DOCK10: variants seen among roughly 807,000 people sequenced by gnomAD.
DOCK10 encodes the protein dedicator of cytokinesis protein 10.
DOCK10 carries 145 observed loss-of-function variants against 280.1 expected under a neutral mutation model. The observed-to-expected ratio is 0.52, with a 90% confidence interval of 0.45 to 0.59. The LOEUF (loss-of-function observed/expected upper bound fraction) is 0.59. DOCK10 is among the 20% of genes least tolerant of loss of function. The pLI is 0.00. For missense variants in DOCK10, 2,368 were observed against 2,651.7 expected (o/e 0.89, Z 2.35); for synonymous variants, 915 against 942.2 (o/e 0.97, Z 0.53).
chr2:224,913,621 T>C (rs77261978), intron 3 of DOCK10, among the ~76,000 whole-genome samples: 35,144 of 152,156 alleles, frequency 0.23, 4,550 homozygotes, highest in Non-Finnish European at 0.28. Flanking sequence ...AATTTTAATT[T>C]TTTATTTGGT....
chr2:224,767,552 T>A (rs1690142263), intron 55 of DOCK10, among the ~76,000 whole-genome samples: 1 of 152,184 alleles, frequency 6.6e-6, no homozygotes, highest in Non-Finnish European at 1.5e-5. Context: ...TTTAAAGATT[T>A]ATAGGAGCAT....
chr2:224,930,821 GC>G (rs1426117605), intron 2 of DOCK10, among the ~76,000 whole-genome samples: 5 of 152,172 alleles, frequency 3.3e-5, no homozygotes, highest in South Asian at 4.1e-4. Flanking sequence ...TTTAATAGCT[GC>G]CCATTGAGAT....
rs116234792 is a variant in DOCK10, at chr2:225,026,116, G to A, written c.123+16136C>T. Among the ~76,000 whole-genome samples the A allele has an allele frequency of 3.9e-3, 587 of 152,210 alleles. 4 individuals are homozygous for A. The highest frequency in any genetic ancestry group is 0.012 in the African/African-American group (491 of 41,522). On this transcript the variant is annotated intron_variant, in intron 1 of 55. Transcript: ENST00000258390. ...AAAGGAAGTGTCCTCTGGGTAGCTGGTGGCACGGGCCTGAGTGGCATCCTT... is the reference window on the plus strand; with the variant it reads ...AAAGGAAGTGTCCTCTGGGTAGCTGATGGCACGGGCCTGAGTGGCATCCTT...
At chr2:224,852,012 G>GTGT (rs60200587) in intron 18 of DOCK10, among the ~76,000 whole-genome samples, 10 of 151,958 alleles carry the variant, frequency 6.6e-5, no homozygotes, top group Non-Finnish European at 1.5e-4. Context: ...GTATGCGGCA[G>GTGT]TTCTGCGTAG....
Position 224,839,964 on chromosome 2 carries a change from T to C in DOCK10, c.2770A>G (p.Thr924Ala), listed in dbSNP as rs1695849705. Residue 924 changes from threonine (T) to alanine (A), a missense_variant, in exon 24 of 56, where the codon ACT (threonine) becomes GCT (alanine). Thr to Ala is a moderately conservative substitution (Grantham distance 58, BLOSUM62 0). Coordinates refer to ENST00000258390, the MANE Select transcript of DOCK10 (RefSeq NM_014689.3). ...TTGTGTTATGGATACCTGGTGACAG[T>C]TGTAGTTATTTCATCTTCCTCATTC... ...VQNEEDEITT[T>A]VTRVLTDIVA... is the part of the protein sequence containing the mutation. 1 of 1,501,746 alleles carries C rather than the reference T, an allele frequency of 6.7e-7. No individual in the cohort carries two copies. The highest frequency in any genetic ancestry group is 9.1e-7 in the Non-Finnish European group (1 of 1,100,988). 93.0% of individuals were successfully genotyped at this position (1,501,746 alleles called of 1,614,324 possible). A position where few individuals can be genotyped will look rare whatever the true frequency, so the allele number is the denominator to read the frequency against.
chr2:225,021,074 A>G (rs1249542170), intron 1 of DOCK10, among the ~76,000 whole-genome samples: 1 of 152,204 alleles, frequency 6.6e-6, no homozygotes, highest in Non-Finnish European at 1.5e-5. Context: ...AACCAATGTG[A>G]GAGGGACCAT....
At position 225,042,381 on chromosome 2, in the gene DOCK10, T is replaced by C. The variant is rs2106156304; in HGVS notation, c.-7A>G. ...GGGTCCGCTCACCGGCCATCGCCGG[T>C]CACGCCAATCGCGCCGCGGGCCCGG... On this transcript the variant is annotated 5_prime_UTR_variant, in exon 1 of 56. Coordinates refer to ENST00000258390, the MANE Select transcript of DOCK10 (RefSeq NM_014689.3). This position sits in a 1 kb window ranked among gnomAD's most constrained non-coding sequence, Gnocchi z 5.1. The C allele has an allele frequency of 8.2e-7, 1 of 1,220,062 alleles. No homozygotes were observed. The highest frequency in any genetic ancestry group is 1.0e-6 in the Non-Finnish European group (1 of 980,152). The allele number at this position is 1,220,062 out of a possible 1,614,324, so 75.6% of individuals were successfully genotyped here.
chr2:224,797,499 C>T (rs1462818822), intron 42 of DOCK10, among the ~76,000 whole-genome samples: 11 of 152,134 alleles, frequency 7.2e-5, no homozygotes, highest in Admixed American at 7.2e-4. Flanking sequence ...GCTGTATCCA[C>T]TTTAATGTGG....
At chr2:224,772,210 T>TG (rs1185320886) in intron 53 of DOCK10, among the ~76,000 whole-genome samples, 2 of 152,166 alleles carry the variant, frequency 1.3e-5, no homozygotes, top group African/African-American at 4.8e-5. Context: ...CATGAGCCAC[T>TG]GCATCTGGAC....
chr2:224,954,088 G>T (rs976597140), intron 1 of DOCK10, among the ~76,000 whole-genome samples: 1 of 152,154 alleles, frequency 6.6e-6, no homozygotes, highest in Admixed American at 6.5e-5. Flanking sequence ...GTATAAAGTT[G>T]TAATATTTGT....
intron 1 of DOCK10, among the ~76,000 whole-genome samples, chr2:224,947,982 T>A (rs1444733504): frequency 6.6e-6 from 1 of 152,248 alleles, no homozygotes; most frequent in African/African-American, 2.4e-5. Context: ...TTGTCTCATA[T>A]ATATATTGTG....
intron 29 of DOCK10, among the ~76,000 whole-genome samples, 152 bp from the exon 30 acceptor site, chr2:224,816,865 T>G (rs1048520702): frequency 2.6e-5 from 4 of 152,184 alleles, no homozygotes; most frequent in Non-Finnish European, 2.9e-5. Context: ...GTTGAAAGGA[T>G]TTTGTCCCCT....
intron 32 of DOCK10, 53 bp from the exon 33 acceptor site, chr2:224,807,837 G>A (rs1693502425): frequency 1.3e-6 from 2 of 1,575,234 alleles, no homozygotes; most frequent in South Asian, 2.3e-5. Flanking sequence ...CAATAGGCTT[G>A]TCGGTTTCAT....
rs1553571067 is a variant in DOCK10, at chr2:224,807,759, A to C, written c.3611T>G (p.Leu1204Ter). ...EPRKQAQIAS[L>*]YMPLYGMLLD... is the part of the protein sequence containing the mutation. ...GAGCATGCCGTACAGGGGCATGTAT[A>C]AACTTGCTATCTGGGCCTGCTTTCT... Residue 1204 changes from leucine to a stop codon, truncating the protein, a stop_gained, in exon 33 of 56, where the codon TTA (leucine) becomes TGA (stop). Transcript: ENST00000258390. LOFTEE classifies it high-confidence loss of function. 6.4e-7 allele frequency: 1 copy of C among 1,571,148 alleles called. No individual in the cohort carries two copies. The highest frequency in any genetic ancestry group is 8.6e-7 in the Non-Finnish European group (1 of 1,156,838).
chr2:224,925,171 C>T (rs6716445), intron 2 of DOCK10, among the ~76,000 whole-genome samples: 88,957 of 151,242 alleles, frequency 0.59, 26,567 homozygotes, highest in Non-Finnish European at 0.64. Context: ...AAAATGTTAA[C>T]CTTTGTCTCA....
In DOCK10 at chr2:224,917,129, G is replaced by A. The variant is rs562285849; in HGVS notation, c.244-345C>T. Among the ~76,000 whole-genome samples, 519 of 52,580 alleles carry A rather than the reference G, an allele frequency of 9.9e-3. 3 individuals carry two copies. The highest frequency in any genetic ancestry group is 0.035 in the African/African-American group (482 of 13,888). The allele number at this position is 52,580 out of a possible 152,430, so 34.5% of individuals were successfully genotyped here. On this transcript the variant is annotated intron_variant, in intron 2 of 55. Transcript: ENST00000258390. ...TTTTTTTTTTTTTTTTTTTTGAGAC[G>A]GAGTCTTGCTCTGTCGCCCAGGCTG...
chr2:225,020,225 T>A (rs1689749708), intron 1 of DOCK10, among the ~76,000 whole-genome samples: 1 of 152,096 alleles, frequency 6.6e-6, no homozygotes, highest in African/African-American at 2.4e-5. Flanking sequence ...TAGATAACAT[T>A]TTCTAAAGGG....
chr2:224,978,562 A>G (rs1705569709), intron 1 of DOCK10, among the ~76,000 whole-genome samples: 1 of 152,234 alleles, frequency 6.6e-6, no homozygotes, highest in Non-Finnish European at 1.5e-5. Flanking sequence ...AAAATATGTG[A>G]TCAGCAAGTA....
intron 1 of DOCK10, among the ~76,000 whole-genome samples, chr2:224,977,666 AT>A (rs1205438771): frequency 6.6e-6 from 1 of 152,158 alleles, no homozygotes; most frequent in South Asian, 2.1e-4. Flanking sequence ...GAATTTCTTC[AT>A]TTTTTCCCCG....
Sources: allele counts gnomAD v4.1 joint callset (sites outside exome capture counted in the v4.1 genomes callset), GRCh38; gene constraint gnomAD v4.1.1; non-coding constraint Gnocchi (gnomAD v3.1); transcripts MANE v1.5; gene names NCBI Gene and HGNC (gene_info 2026-07-23, HGNC 2026-07-21).